CSMD2: variants seen among roughly 807,000 people sequenced by gnomAD.
The protein encoded by CSMD2 is CUB and Sushi multiple domains 2, also known as CUB and sushi domain-containing protein 2.
A neutral mutation model predicts 398.5 loss-of-function variants in CSMD2; 130 were observed. That is an observed-to-expected ratio of 0.33 (90% CI 0.28 to 0.38). CSMD2 has a LOEUF of 0.38. CSMD2 is among the 10% of genes least tolerant of loss of function. The pLI, the probability that CSMD2 is intolerant of heterozygous loss-of-function variation, is 1.00. For missense variants in CSMD2, 3,829 were observed against 4,764.9 expected, an observed-to-expected ratio of 0.80 and a Z score of 5.78; for synonymous variants, 1,828 against 1,908.5, an observed-to-expected ratio of 0.96 and a Z score of 1.10.
chr1:33,697,432 TA>T (rs1375208015), intron 24 of CSMD2, among the ~76,000 whole-genome samples: 2 of 152,180 alleles, frequency 1.3e-5, no homozygotes, highest in Non-Finnish European at 2.9e-5. Context: ...AGAGGTTCCA[TA>T]AAGGCTACTG....
At position 33,635,184 on chromosome 1, in the gene CSMD2, CAT is replaced by C. The variant is rs1642723979; in HGVS notation, c.5086+28_5086+29del. ...GGAATGAGGGTGAGGAGTCAGAAAA[CAT>C]ATGAACAACAACAACCAAAACCCAT... On this transcript the variant is annotated intron_variant, in intron 31 of 70. Coordinates refer to ENST00000373381, the MANE Select transcript of CSMD2 (RefSeq NM_001281956.2). The surrounding 1 kb of genome is among the most constrained non-coding windows in gnomAD (Gnocchi z 5.0). 4 of 1,412,118 alleles carry C rather than the reference CAT, an allele frequency of 2.8e-6. No homozygotes were observed. Among genetic ancestry groups the C allele is most frequent in the East Asian group, 2.3e-5 (1 of 43,790 alleles). The allele number at this position is 1,412,118 out of a possible 1,614,324, so 87.5% of individuals were successfully genotyped here.
chr1:33,614,342 G>A (rs1313344341), intron 40 of CSMD2, among the ~76,000 whole-genome samples, 162 bp downstream of exon 40: 1 of 151,882 alleles, frequency 6.6e-6, no homozygotes, highest in Non-Finnish European at 1.5e-5. Context: ...TTCTTAATTG[G>A]TCTTCACAAT....
In CSMD2 at chr1:34,164,728, T is replaced by C. The variant is rs1212301400; in HGVS notation, c.187+183A>G. Among the ~76,000 whole-genome samples the C allele has an allele frequency of 7.3e-6, 1 of 137,280 alleles. No individual in the cohort carries two copies. The highest frequency in any genetic ancestry group is 1.6e-5 in the Non-Finnish European group (1 of 64,068). The allele number at this position is 137,280 out of a possible 152,430, so 90.1% of individuals were successfully genotyped here. A position where few individuals can be genotyped will look rare whatever the true frequency, so the allele number is the denominator to read the frequency against. On this transcript the variant is annotated intron_variant, in intron 1 of 70. Transcript: ENST00000373381. This position sits in a 1 kb window ranked among gnomAD's most constrained non-coding sequence, Gnocchi z 6.2. ...GAGGGTGAGGGTGGAGGTGAGGACG[T>C]GGCTGAGGGTGGGGTGGGAGACGGA...
rs1315247399 is a variant in CSMD2 at position 33,918,174 on chromosome 1, G to A, written c.840C>T (p.Ile280=). 12 of 1,614,144 alleles carry A rather than the reference G, an allele frequency of 7.4e-6. No individual in the cohort carries two copies. Among genetic ancestry groups the A allele is most frequent in the Non-Finnish European group, 1.0e-5 (12 of 1,180,010 alleles). ...WTILAELGDT[I]ALVFIDFQLE... ...GCTGGAAGTCAATAAACACCAGGGCGATGGTGTCCCCCAGCTCAGCCAGGA... is the reference window on the plus strand; with the variant it reads ...GCTGGAAGTCAATAAACACCAGGGCAATGGTGTCCCCCAGCTCAGCCAGGA... The change falls in exon 5 of 71, where the codon ATC becomes ATT. Residue 280 remains isoleucine (I), a synonymous_variant. Coordinates refer to ENST00000373381, the MANE Select transcript of CSMD2 (RefSeq NM_001281956.2).
At chr1:33,639,343 T>C (rs542573030) in intron 29 of CSMD2, among the ~76,000 whole-genome samples, 2 of 152,366 alleles carry the variant, frequency 1.3e-5, no homozygotes, top group African/African-American at 4.8e-5. Flanking sequence ...TGCACCAGCA[T>C]TGGACCCTAG....
intron 44 of CSMD2, among the ~76,000 whole-genome samples, chr1:33,597,374 T>A (rs917327623): frequency 3.3e-5 from 5 of 152,240 alleles, no homozygotes; most frequent in African/African-American, 1.2e-4. Flanking sequence ...TCCTTTTATG[T>A]CTTTCGAAGC....
intron 62 of CSMD2, among the ~76,000 whole-genome samples, chr1:33,536,038 A>G (rs1443783710): frequency 3.9e-5 from 6 of 152,018 alleles, no homozygotes; most frequent in Non-Finnish European, 8.8e-5. Flanking sequence ...TTCCCACTGT[A>G]TTCCTAGCTC....
At chr1:33,709,968 CT>C (rs1395297266) in intron 21 of CSMD2, among the ~76,000 whole-genome samples, 1 of 152,200 alleles carries the variant, frequency 6.6e-6, no homozygotes, top group Admixed American at 6.5e-5. Flanking sequence ...CATTCAACAG[CT>C]AATGAAATCA....
chr1:34,134,873 C>T (rs1638554905), intron 1 of CSMD2, among the ~76,000 whole-genome samples: 1 of 152,294 alleles, frequency 6.6e-6, no homozygotes, highest in Admixed American at 6.5e-5. Flanking sequence ...AGCTACTTTT[C>T]TGATTTCCAT....
chr1:33,673,108 C>T (rs1303339127), intron 25 of CSMD2, among the ~76,000 whole-genome samples: 19 of 152,344 alleles, frequency 1.2e-4, no homozygotes, highest in East Asian at 1.2e-3. Context: ...CAAAGCTGGA[C>T]GGAGAATGAC....
chr1:34,121,551 T>C (rs1270673105), intron 1 of CSMD2, among the ~76,000 whole-genome samples: 5 of 152,146 alleles, frequency 3.3e-5, no homozygotes, highest in Non-Finnish European at 7.4e-5. Flanking sequence ...CACCTTGGCA[T>C]TTAGTAGGTC....
intron 66 of CSMD2, 91 bp from the exon 67 acceptor site, chr1:33,523,510 G>A (rs1190467276): frequency 9.1e-6 from 6 of 657,930 alleles, no homozygotes; most frequent in Non-Finnish European, 1.4e-5. Context: ...GTTTCTGGAT[G>A]GAATTTCATG....
intron 13 of CSMD2, among the ~76,000 whole-genome samples, chr1:33,744,299 T>G (rs1647193436): frequency 6.6e-6 from 1 of 152,084 alleles, no homozygotes; most frequent in Non-Finnish European, 1.5e-5. Context: ...TTCAAACATT[T>G]TTGATGGAAA....
chr1:33,832,964 C>G (rs1389196046), intron 6 of CSMD2, among the ~76,000 whole-genome samples: 1 of 151,960 alleles, frequency 6.6e-6, no homozygotes, highest in African/African-American at 2.4e-5. Flanking sequence ...GAAGTCGAAT[C>G]TCTGAATAGA....
chr1:33,918,279 G>A lies in CSMD2; in HGVS notation c.735C>T (p.Thr245=). Residue 245 remains threonine, a synonymous_variant, in exon 5 of 71, where the codon ACC becomes ACT. Coordinates refer to ENST00000373381, the MANE Select transcript of CSMD2 (RefSeq NM_001281956.2). The stretch of plus-strand genomic sequence containing the variant: ...AGATGATGCCACTCTGGCCCCGCAG[G>A]GTCCCACCACAGGCATCATCAGCTG... ...SCRADDACGG[T]LRGQSGIISS... is the part of the protein sequence containing the mutation. 1 of 1,613,936 alleles carries A rather than the reference G, an allele frequency of 6.2e-7. No individual in the cohort carries two copies. Among genetic ancestry groups the A allele is most frequent in the Non-Finnish European group, 8.5e-7 (1 of 1,180,008 alleles).
intron 1 of CSMD2, among the ~76,000 whole-genome samples, chr1:34,124,614 TG>T (rs776192302): frequency 4.0e-4 from 61 of 152,282 alleles, no homozygotes; most frequent in Non-Finnish European, 7.5e-4. Flanking sequence ...AAGCACAGCA[TG>T]GGGAGAAACA....
chr1:33,646,843 A>G lies in CSMD2; in HGVS notation c.4587-8T>C, dbSNP rs1557670688. On this transcript the variant is annotated splice_region_variant and splice_polypyrimidine_tract_variant and intron_variant, in intron 28 of 70. Coordinates refer to ENST00000373381, the MANE Select transcript of CSMD2 (RefSeq NM_001281956.2). ...CCAGGCTCCAGGTTAAAGCTGGGGAACAAAAACATCCCACCCCCACCCCAC... is the reference window on the plus strand; with the variant it reads ...CCAGGCTCCAGGTTAAAGCTGGGGAGCAAAAACATCCCACCCCCACCCCAC... 1 of 1,601,428 alleles carries G rather than the reference A, an allele frequency of 6.2e-7. No homozygotes were observed. The highest frequency in any genetic ancestry group is 1.1e-5 in the South Asian group (1 of 89,604).
chr1:33,783,926 T>C (rs1205703041), intron 12 of CSMD2, among the ~76,000 whole-genome samples: 1 of 151,960 alleles, frequency 6.6e-6, no homozygotes, highest in Non-Finnish European at 1.5e-5. Flanking sequence ...CACACCCTCC[T>C]GGTGAGGAGC....
chr1:33,788,008 T>C (rs960175450), intron 12 of CSMD2, among the ~76,000 whole-genome samples: 19 of 152,142 alleles, frequency 1.2e-4, no homozygotes, highest in Admixed American at 1.2e-3. Flanking sequence ...TAAAAATAAG[T>C]GAGGCCTCTT....
Sources: gnomAD v4.1 joint callset for allele counts (sites outside exome capture counted in the v4.1 genomes callset) on GRCh38, gnomAD v4.1.1 for gene constraint, Gnocchi (gnomAD v3.1) non-coding constraint, MANE v1.5 for transcripts, NCBI Gene and HGNC (gene_info 2026-07-23, HGNC 2026-07-21) for gene names.